ABR: variants seen among roughly 807,000 people sequenced by gnomAD.
The protein encoded by ABR is ABR activator of RhoGEF and GTPase, also known as active breakpoint cluster region-related protein.
A neutral mutation model predicts 107.2 loss-of-function variants in ABR; 35 were observed. The observed-to-expected ratio is 0.33, with a 90% CI of 0.25 to 0.43. The LOEUF is 0.43. Among genes scored for constraint, ABR ranks in the 20% least tolerant of loss-of-function variants. The pLI, the probability that ABR is intolerant of heterozygous loss-of-function variation, is 1.00. For synonymous variants in ABR, 498 were observed against 462.0 expected, an observed-to-expected ratio of 1.08 and a Z score of -1.00; for missense variants, 815 against 1,115.2, an observed-to-expected ratio of 0.73 and a Z score of 3.83.
intron 1 of ABR, among the ~76,000 whole-genome samples, chr17:1,153,070 TAA>T (rs145148122): frequency 5.3e-5 from 8 of 151,210 alleles, no homozygotes; most frequent in African/African-American, 1.7e-4. Flanking sequence ...GAAACTCCGT[TAA>T]AAAAAAAATT....
rs118022616 is a variant in ABR at position 1,145,808 on chromosome 17, G to A, written c.62-20441C>T. Reference sequence around the variant, plus strand: ...TTCAATCCCAGAGCCACGCAGCTCCGGGCTCCTGCCCCTGTCCGCAGAAGT... The same window carrying A: ...TTCAATCCCAGAGCCACGCAGCTCCAGGCTCCTGCCCCTGTCCGCAGAAGT... On this transcript the variant is annotated intron_variant, in intron 1 of 22. Transcript: ENST00000302538. 3.9e-3 allele frequency among the ~76,000 whole-genome samples: 593 copies of A among 152,234 alleles called. 2 individuals carry two copies. Among genetic ancestry groups the A allele is most frequent in the Non-Finnish European group, 6.4e-3 (433 of 68,006 alleles).
upstream of ABR, chr17:1,181,868 G>A (rs765665414): frequency 3.3e-5 from 5 of 152,234 alleles, no homozygotes; most frequent in Admixed American, 6.5e-5. Flanking sequence ...CACACTGTGG[G>A]GTTTTCCTGA....
At chr17:1,123,926 G>T (rs1297951903) in intron 2 of ABR, among the ~76,000 whole-genome samples, 1 of 152,138 alleles carries the variant, frequency 6.6e-6, no homozygotes, top group Non-Finnish European at 1.5e-5. Context: ...CCGTCTTAGG[G>T]CAGGTCAACA....
intron 14 of ABR, among the ~76,000 whole-genome samples, chr17:1,052,380 TG>T (rs1567658413): frequency 2.6e-5 from 2 of 78,032 alleles, no homozygotes; most frequent in East Asian, 3.9e-4. Flanking sequence ...CGGAAGGGGC[TG>T]GGGGAGGGCT....
In ABR at chr17:1,092,349, G is replaced by A. The variant is rs1193966944; in HGVS notation, c.346-499C>T. Among the ~76,000 whole-genome samples, 1 of 151,618 alleles carries A rather than the reference G, an allele frequency of 6.6e-6. No individual in the cohort carries two copies. The highest frequency in any genetic ancestry group is 1.5e-5 in the Non-Finnish European group (1 of 68,032). ...GGCCTCACTGATGTTCCAAGTTCCC[G>A]TCACTTGGCACAGGGAGAGGCATGG... On this transcript the variant is annotated intron_variant, in intron 3 of 22. Transcript: ENST00000302538. The surrounding 1 kb of genome is among the most constrained non-coding windows in gnomAD (Gnocchi z 4.6).
At chr17:1,204,047 A>C (rs1455534809) in intron 1 of ABR, among the ~76,000 whole-genome samples, 2 of 151,516 alleles carry the variant, frequency 1.3e-5, no homozygotes, top group Non-Finnish European at 2.9e-5. Context: ...AGCCCAGTCC[A>C]CTCCTCCCGG....
chr17:1,046,073 G>A (rs183056017), intron 16 of ABR, among the ~76,000 whole-genome samples: 113 of 152,184 alleles, frequency 7.4e-4, no homozygotes, highest in African/African-American at 2.6e-3. Flanking sequence ...GTTTCACCAC[G>A]TTGACCAGGC....
intron 10 of ABR, among the ~76,000 whole-genome samples, chr17:1,065,754 T>TC (rs1447924074): frequency 1.3e-5 from 2 of 150,088 alleles, no homozygotes; most frequent in Non-Finnish European, 3.0e-5. Context: ...TTTTTTTTTT[T>TC]TTTTTTTTTT....
At chr17:1,036,157 C>T (rs1239999281) in intron 16 of ABR, among the ~76,000 whole-genome samples, 1 of 152,240 alleles carries the variant, frequency 6.6e-6, no homozygotes, top group Non-Finnish European at 1.5e-5. Flanking sequence ...CCAGCCCACA[C>T]TTGAACCCCG....
chr17:1,066,062 A>T (rs1187564248), intron 10 of ABR, among the ~76,000 whole-genome samples: 1 of 152,074 alleles, frequency 6.6e-6, no homozygotes, highest in Non-Finnish European at 1.5e-5. Flanking sequence ...TATTTTTAGT[A>T]GAGATGGATT....
intron 1 of ABR, among the ~76,000 whole-genome samples, chr17:1,197,409 G>A (rs562301792): frequency 6.6e-6 from 1 of 151,652 alleles, no homozygotes; most frequent in East Asian, 1.9e-4. Context: ...GTTGGAGAGA[G>A]AAAGACACCA....
rs2035761537 is a variant in ABR, at chr17:1,076,729, T to TGGCG, written c.700+2600_700+2601insCGCC. Among the ~76,000 whole-genome samples, 12 of 13,538 alleles carry TGGCG rather than the reference T, an allele frequency of 8.9e-4. 1 individual carries two copies. The highest frequency in any genetic ancestry group is 2.7e-3 in the African/African-American group (11 of 4,122). The allele number at this position is 13,538 out of a possible 152,430, so 8.9% of individuals were successfully genotyped here. ...GGCAGGTGCACGGGGGGGGTGGGGG[T>TGGCG]GGGGGGGGTGGCGGCACTGGGACCA... On this transcript the variant is annotated intron_variant, in intron 6 of 22. Coordinates refer to ENST00000302538, the MANE Select transcript of ABR (RefSeq NM_021962.5).
intron 6 of ABR, among the ~76,000 whole-genome samples, chr17:1,077,274 A>G (rs1296385728): frequency 1.3e-5 from 2 of 151,754 alleles, no homozygotes; most frequent in Non-Finnish European, 1.5e-5. Context: ...TGGCCCTTTC[A>G]CTCCTCATTC....
At chr17:1,080,570 G>C (rs373503753) in intron 5 of ABR, among the ~76,000 whole-genome samples, 1 of 151,660 alleles carries the variant, frequency 6.6e-6, no homozygotes, top group Non-Finnish European at 1.5e-5. Flanking sequence ...CCAGGGTCAG[G>C]TGCCCAGGTG....
chr17:1,229,701 C>T (rs1302459005), exon 1 of ABR, among the ~76,000 whole-genome samples: 1 of 152,056 alleles, frequency 6.6e-6, no homozygotes, highest in African/African-American at 2.4e-5. Context: ...TCAAGTGTCC[C>T]CTTCCGCCCT....
chr17:1,007,366 G>A (rs996215164), intron 21 of ABR, 54 bp from the exon 22 acceptor site: 6 of 1,605,492 alleles, frequency 3.7e-6, no homozygotes, highest in Non-Finnish European at 5.1e-6. Flanking sequence ...GCCACTCGGA[G>A]CTCCAGGACC....
chr17:1,147,261 G>C (rs79277488), intron 1 of ABR, among the ~76,000 whole-genome samples: 15 of 152,142 alleles, frequency 9.9e-5, no homozygotes, highest in Admixed American at 2.0e-4. Context: ...GCATGACCAC[G>C]GGGAGCAGAG....
chr17:1,058,177 T>G, intron 11 of ABR, 132 bp from the exon 12 acceptor site: 1 of 511,510 alleles, frequency 2.0e-6, no homozygotes. Flanking sequence ...CTCGCTCTTG[T>G]TGCCCAGGCT....
At chr17:1,035,926 G>GCATCAACGAGGAAAAAAGGTCA (rs2073152694) in intron 16 of ABR, among the ~76,000 whole-genome samples, 2 of 151,528 alleles carry the variant, frequency 1.3e-5, no homozygotes, top group South Asian at 4.2e-4. Flanking sequence ...TTCAGTGGCG[G>GCATCAACGAGGAAAAAAGGTCA]CATCAACGAG....
Sources: allele counts gnomAD v4.1 joint callset (sites outside exome capture counted in the v4.1 genomes callset), GRCh38; gene constraint gnomAD v4.1.1; non-coding constraint Gnocchi (gnomAD v3.1); transcripts MANE v1.5; gene names NCBI Gene and HGNC (gene_info 2026-07-23, HGNC 2026-07-21).